KCNAB1: variants seen among roughly 807,000 people sequenced by gnomAD.
The protein encoded by KCNAB1 is voltage-gated potassium channel subunit beta-1.
A neutral mutation model predicts 64.6 loss-of-function variants in KCNAB1; 35 were observed. The ratio of observed to expected loss-of-function variants is 0.54; its 90% CI spans 0.41 to 0.72. The LOEUF (loss-of-function observed/expected upper bound fraction) is 0.72, where lower values mean the gene tolerates loss of function less well. KCNAB1 is among the 30% of genes least tolerant of loss of function. The pLI is 0.00. For missense variants in KCNAB1, 401 were observed against 512.9 expected (o/e 0.78, Z 2.11); for synonymous variants, 177 against 183.8 (o/e 0.96, Z 0.30).
chr3:156,436,496 TCTTCCTCAATGGTTGAACTA>T (rs1447291159), intron 2 of KCNAB1, among the ~76,000 whole-genome samples: 6 of 152,222 alleles, frequency 3.9e-5, no homozygotes, highest in African/African-American at 1.4e-4. Context: ...CACCACACTG[TCTTCCTCAATGGTTGAACTA>T]ATTTGCATTC....
At chr3:156,168,212 C>T (rs542682583) in intron 1 of KCNAB1, among the ~76,000 whole-genome samples, 12 of 151,694 alleles carry the variant, frequency 7.9e-5, no homozygotes, top group African/African-American at 2.2e-4. Context: ...CACCCCCAAC[C>T]GCCCCCCAAA....
intron 1 of KCNAB1, among the ~76,000 whole-genome samples, chr3:156,287,426 C>T (rs1576680008): frequency 6.6e-6 from 1 of 151,438 alleles, no homozygotes; most frequent in African/African-American, 2.4e-5. Context: ...AATAAATCCT[C>T]TATATGGTGA....
chr3:156,265,301 T>G (rs1718633075), intron 1 of KCNAB1, among the ~76,000 whole-genome samples: 1 of 152,214 alleles, frequency 6.6e-6, no homozygotes. Context: ...TCTCCACAAC[T>G]TGCATGTTTA....
intron 8 of KCNAB1, among the ~76,000 whole-genome samples, chr3:156,476,865 A>G (rs569122128): frequency 5.3e-5 from 8 of 152,296 alleles, no homozygotes; most frequent in Middle Eastern, 3.4e-3. Flanking sequence ...AGTGGGGTCT[A>G]TGAAAGACTG....
chr3:156,430,491 G>A (rs1402998544), intron 2 of KCNAB1, among the ~76,000 whole-genome samples: 2 of 152,102 alleles, frequency 1.3e-5, no homozygotes, highest in Non-Finnish European at 2.9e-5. Flanking sequence ...CCCAGATCTG[G>A]GCAATTTGCT....
At chr3:156,435,834 T>G (rs1576862047) in intron 2 of KCNAB1, among the ~76,000 whole-genome samples, 1 of 151,220 alleles carries the variant, frequency 6.6e-6, no homozygotes, top group East Asian at 1.9e-4. Context: ...CAGTTCTATT[T>G]TTCATGGCAG....
chr3:156,406,733 T>C (rs1446327048), intron 1 of KCNAB1, among the ~76,000 whole-genome samples: 1 of 152,050 alleles, frequency 6.6e-6, no homozygotes, highest in African/African-American at 2.4e-5. Context: ...AGAAAAGAGA[T>C]AGAACCTGAG....
intron 11 of KCNAB1, among the ~76,000 whole-genome samples, chr3:156,518,454 A>G (rs1717702058): frequency 7.0e-6 from 1 of 143,472 alleles, no homozygotes; most frequent in African/African-American, 2.6e-5. Context: ...GCCATGAAAG[A>G]GAAAGAGAAA....
rs139026689 is a variant in KCNAB1, at chr3:156,131,226, C to T, written c.275+10340C>T. On this transcript the variant is annotated intron_variant, in intron 1 of 13. Coordinates refer to ENST00000490337, the MANE Select transcript of KCNAB1 (RefSeq NM_172160.3). ...GAGGAAACAACACGGTTTTGAGGAG[C>T]ACTTACTCATATTTCTTTGGAGATG... Among the ~76,000 whole-genome samples the T allele has an allele frequency of 4.1e-3, 628 of 152,280 alleles. 5 individuals carry two copies. The highest frequency in any genetic ancestry group is 0.014 in the African/African-American group (587 of 41,554).
At chr3:156,439,629 T>C (rs1716855930) in intron 2 of KCNAB1, among the ~76,000 whole-genome samples, 1 of 152,240 alleles carries the variant, frequency 6.6e-6, no homozygotes, top group African/African-American at 2.4e-5. Flanking sequence ...CAGAAAGTTC[T>C]ACTCTCTTAT....
chr3:156,184,028 C>G (rs569289255), intron 1 of KCNAB1, among the ~76,000 whole-genome samples: 7 of 152,184 alleles, frequency 4.6e-5, no homozygotes, highest in Non-Finnish European at 1.0e-4. Context: ...AGTTAGTATA[C>G]ATAACGACCA....
At chr3:156,481,797 C>T (rs1714827355) in intron 8 of KCNAB1, among the ~76,000 whole-genome samples, 1 of 152,118 alleles carries the variant, frequency 6.6e-6, no homozygotes, top group Admixed American at 6.6e-5. Context: ...AGCTACTATC[C>T]TCACAGAGGC....
intron 1 of KCNAB1, among the ~76,000 whole-genome samples, chr3:156,223,295 G>A (rs745884383): frequency 1.3e-5 from 2 of 152,210 alleles, no homozygotes; most frequent in Non-Finnish European, 2.9e-5. Context: ...CCACAGTGTG[G>A]AAGGGGACCC....
chr3:156,480,249 G>T (rs1714689808), intron 8 of KCNAB1, among the ~76,000 whole-genome samples: 1 of 152,028 alleles, frequency 6.6e-6, no homozygotes, highest in Non-Finnish European at 1.5e-5. Context: ...GAAATCTTCT[G>T]CAAATATTAT....
intron 1 of KCNAB1, among the ~76,000 whole-genome samples, chr3:156,280,302 G>T (rs1309170595): frequency 1.4e-5 from 2 of 146,412 alleles, no homozygotes; most frequent in African/African-American, 5.0e-5. Flanking sequence ...ATTTCTGAGG[G>T]CTCTGTTCTG....
chr3:156,291,372 T>C (rs1303426072), intron 1 of KCNAB1: 11 of 994,544 alleles, frequency 1.1e-5, no homozygotes, highest in Non-Finnish European at 1.3e-5. Flanking sequence ...CGCTTGCGAT[T>C]AGCTGCTTCT....
rs1718273813 is a variant in KCNAB1 at position 156,259,045 on chromosome 3, AATTG to A, written c.275+138162_275+138165del. On this transcript the variant is annotated intron_variant, in intron 1 of 13. Transcript: ENST00000490337. ...TCACTTAAAGTGTCACAAATTGACT[AATTG>A]ATCTGTAAATGAACCTAGCAACATT... Among the ~76,000 whole-genome samples the A allele has an allele frequency of 3.3e-5, 5 of 152,342 alleles. No homozygotes were observed. The South Asian group carries it at 1.0e-3, about 32-fold the overall frequency.
chr3:156,196,525 G>T (rs62023300), intron 1 of KCNAB1, among the ~76,000 whole-genome samples: 1 of 152,000 alleles, frequency 6.6e-6, no homozygotes, highest in African/African-American at 2.4e-5. Flanking sequence ...GGCCCTTCAT[G>T]TCTCTTGTAA....
chr3:156,491,256 C>G (rs575232558), intron 8 of KCNAB1, among the ~76,000 whole-genome samples: 1 of 152,058 alleles, frequency 6.6e-6, no homozygotes, highest in South Asian at 2.1e-4. Flanking sequence ...AGGAAAACGC[C>G]AAGAGGACAG....
Sources: gnomAD v4.1 joint callset for allele counts (sites outside exome capture counted in the v4.1 genomes callset) on GRCh38, gnomAD v4.1.1 for gene constraint, MANE v1.5 for transcripts, NCBI Gene and HGNC (gene_info 2026-07-23, HGNC 2026-07-21) for gene names.